Variants in ASB13 observed in about 807,000 individuals in gnomAD.
ASB13 encodes the protein ankyrin repeat and SOCS box containing 13.
In ASB13, 33 loss-of-function variants were observed where a neutral mutation model predicts 28.8. The observed-to-expected ratio is 1.15, with a 90% CI of 0.87 to 1.53. The LOEUF is 1.53. Ranked by LOEUF, ASB13 falls within the 40% of genes most tolerant of loss-of-function variation. ASB13 has a pLI of 0.00. For synonymous variants in ASB13, 182 were observed against 172.9 expected, an observed-to-expected ratio of 1.05 and a Z score of -0.41; for missense variants, 414 against 390.1, an observed-to-expected ratio of 1.06 and a Z score of -0.52.
rs1834816815 is a variant in ASB13, at chr10:5,642,106, T to C, written c.518-145A>G. ...ATCAGGACAGACTCTACCGTAGCTT[T>C]CAAAAATGTTTTTCAACATCCAAAA... On this transcript the variant is annotated intron_variant, in intron 4 of 5. Transcript: ENST00000357700. The surrounding 1 kb of genome is among the most constrained non-coding windows in gnomAD (Gnocchi z 4.1). 2 of 733,612 alleles carry C rather than the reference T, an allele frequency of 2.7e-6. No homozygotes were observed. The highest frequency in any genetic ancestry group is 4.3e-6 in the Non-Finnish European group (2 of 469,586). 45.4% of individuals were successfully genotyped at this position (733,612 alleles called of 1,614,324 possible). A position where few individuals can be genotyped will look rare whatever the true frequency, so the allele number is the denominator to read the frequency against.
chr10:5,640,537 T>A lies in ASB13; in HGVS notation c.*166A>T. 4 of 869,328 alleles carry A rather than the reference T, an allele frequency of 4.6e-6. No individual in the cohort carries two copies. The highest frequency in any genetic ancestry group is 6.9e-6 in the Non-Finnish European group (4 of 578,718). The allele number at this position is 869,328 out of a possible 1,614,324, so 53.9% of individuals were successfully genotyped here. On this transcript the variant is annotated 3_prime_UTR_variant, in exon 6 of 6. Coordinates refer to ENST00000357700, the MANE Select transcript of ASB13 (RefSeq NM_024701.4). ...AGGCCTTCCCAACACCCTGGAAACA[T>A]TATCCAGGATCCAGGAGAGAAGCCT...
chr10:5,662,544 GGGA>G (rs1835186607), intron 1 of ASB13, among the ~76,000 whole-genome samples: 4 of 43,006 alleles, frequency 9.3e-5, no homozygotes, highest in Non-Finnish European at 1.6e-4. Flanking sequence ...GGGGGGGGAG[GGGA>G]GGGGAGGGGA....
In ASB13 at chr10:5,650,815, C is replaced by A. The variant is rs927791879; in HGVS notation, c.382+398G>T. On this transcript the variant is annotated intron_variant, in intron 3 of 5. Transcript: ENST00000357700. This position sits in a 1 kb window ranked among gnomAD's most constrained non-coding sequence, Gnocchi z 6.0. ...AGGACCAGCACTGTTTTGAGAGCACCACGCACAGCCTCCTGGCCCAGGCTG... is the reference window on the plus strand; with the variant it reads ...AGGACCAGCACTGTTTTGAGAGCACAACGCACAGCCTCCTGGCCCAGGCTG... Among the ~76,000 whole-genome samples the A allele has an allele frequency of 2.6e-5, 4 of 152,196 alleles. No individual in the cohort carries two copies. The highest frequency in any genetic ancestry group is 4.4e-5 in the Non-Finnish European group (3 of 68,038).
rs1259539595 is a variant in ASB13, at chr10:5,666,516, G to T, written c.36C>A (p.Gly12=). The T allele has an allele frequency of 6.2e-6, 8 of 1,282,452 alleles. No homozygotes were observed. The highest frequency in any genetic ancestry group is 7.9e-6 in the Non-Finnish European group (8 of 1,009,994). The allele number at this position is 1,282,452 out of a possible 1,614,324, so 79.4% of individuals were successfully genotyped here. The change falls in exon 1 of 6, where the codon GGC becomes GGA. Residue 12 remains glycine (G), a synonymous_variant. Coordinates refer to ENST00000357700, the MANE Select transcript of ASB13 (RefSeq NM_024701.4). ...EPRAADGCFL[G]DVGFWVERTP... ...CGCGGCGCCCGCACGTACCCACGTC[G>T]CCCAGGAAGCAGCCGTCCGCCGCCC...
At chr10:5,648,739 CACACGGGCAA>C (rs1206050880) in intron 4 of ASB13, among the ~76,000 whole-genome samples, 2 of 151,330 alleles carry the variant, frequency 1.3e-5, no homozygotes, top group Admixed American at 1.3e-4. Flanking sequence ...GGTAAACACC[CACACGGGCAA>C]ACACCCACTC....
intron 1 of ASB13, among the ~76,000 whole-genome samples, chr10:5,662,809 C>G (rs1484150451): frequency 6.6e-6 from 1 of 152,104 alleles, no homozygotes; most frequent in Non-Finnish European, 1.5e-5. Context: ...CTCATGGTGA[C>G]AACTAAAGAC....
At chr10:5,647,663 C>T (rs1834906135) in intron 4 of ASB13, among the ~76,000 whole-genome samples, 1 of 152,148 alleles carries the variant, frequency 6.6e-6, no homozygotes, top group Non-Finnish European at 1.5e-5. Context: ...CTGTTGAGTA[C>T]CTACTAGGAC....
intron 4 of ASB13, among the ~76,000 whole-genome samples, chr10:5,647,885 G>C (rs746833560): frequency 1.1e-4 from 16 of 152,262 alleles, no homozygotes; most frequent in Non-Finnish European, 1.9e-4. Flanking sequence ...GTAAACACCT[G>C]CTCAGGTGAA....
At chr10:5,647,822 C>T (rs1215947370) in intron 4 of ASB13, among the ~76,000 whole-genome samples, 1 of 152,234 alleles carries the variant, frequency 6.6e-6, no homozygotes, top group East Asian at 1.9e-4. Context: ...GACTCCTCTA[C>T]CCAGCTCTCT....
chr10:5,662,565 G>GGAGAGGAGAAGAGAAGAGAAGAGAA (rs1835187934), intron 1 of ASB13, among the ~76,000 whole-genome samples: 1 of 14,586 alleles, frequency 6.9e-5, no homozygotes, highest in Non-Finnish European at 1.3e-4. Context: ...GGAGGGGAGG[G>GGAGAGGAGAAGAGAAGAGAAGAGAA]GAGAAGAGAA....
Position 5,655,172 on chromosome 10 carries a change from C to T in ASB13, c.44-2122G>A, listed in dbSNP as rs1050032998. ...GGGTAGCCTCATCAGTTAGTGCTGACGACTCTGCTTTTAGAGATCCCCACA... is the reference window on the plus strand; with the variant it reads ...GGGTAGCCTCATCAGTTAGTGCTGATGACTCTGCTTTTAGAGATCCCCACA... On this transcript the variant is annotated intron_variant, in intron 1 of 5. Coordinates refer to ENST00000357700, the MANE Select transcript of ASB13 (RefSeq NM_024701.4). This position sits in a 1 kb window ranked among gnomAD's most constrained non-coding sequence, Gnocchi z 6.2. Among the ~76,000 whole-genome samples the T allele has an allele frequency of 3.3e-5, 5 of 152,018 alleles. No individual in the cohort carries two copies. Among genetic ancestry groups the T allele is most frequent in the African/African-American group, 1.2e-4 (5 of 41,398 alleles).
chr10:5,657,695 G>C (rs1377048082), intron 1 of ASB13, among the ~76,000 whole-genome samples: 3 of 152,146 alleles, frequency 2.0e-5, no homozygotes, highest in South Asian at 4.1e-4. Flanking sequence ...TTGAAAGCAG[G>C]GTCTTGAGGA....
chr10:5,662,992 C>T (rs764147042), intron 1 of ASB13, among the ~76,000 whole-genome samples: 3 of 152,158 alleles, frequency 2.0e-5, no homozygotes, highest in Admixed American at 6.5e-5. Context: ...CAAGTCTGGG[C>T]TCAGTGTTTT....
intron 1 of ASB13, among the ~76,000 whole-genome samples, chr10:5,665,966 G>GC (rs2131462161): frequency 6.6e-6 from 1 of 152,348 alleles, no homozygotes; most frequent in East Asian, 1.9e-4. Flanking sequence ...TGCGAACTGG[G>GC]ATGGCACTTT....
chr10:5,662,226 G>A (rs1489717478), intron 1 of ASB13, among the ~76,000 whole-genome samples: 1 of 152,014 alleles, frequency 6.6e-6, no homozygotes, highest in Admixed American at 6.5e-5. Context: ...CCTTAGAAAT[G>A]CTGGACGATG....
rs572122375 is a variant in ASB13, at chr10:5,649,824, C to T, written c.383-720G>A. Among the ~76,000 whole-genome samples, 479 of 152,284 alleles carry T rather than the reference C, an allele frequency of 3.1e-3. 2 individuals are homozygous for T. Among genetic ancestry groups the T allele is most frequent in the Non-Finnish European group, 5.1e-3 (347 of 68,018 alleles). On this transcript the variant is annotated intron_variant, in intron 3 of 5. Coordinates refer to ENST00000357700, the MANE Select transcript of ASB13 (RefSeq NM_024701.4). This position sits in a 1 kb window ranked among gnomAD's most constrained non-coding sequence, Gnocchi z 6.4. ...TACCAAGGGCATGAGCCACAGCGCCCGGCCTCTCCTGCCTCTTAAGTGGCT... is the reference window on the plus strand; with the variant it reads ...TACCAAGGGCATGAGCCACAGCGCCTGGCCTCTCCTGCCTCTTAAGTGGCT...
At chr10:5,653,505 C>A (rs1271574340) in intron 1 of ASB13, among the ~76,000 whole-genome samples, 2 of 152,196 alleles carry the variant, frequency 1.3e-5, no homozygotes, top group African/African-American at 4.8e-5. Context: ...ACGCTCAGAC[C>A]CCTGCATTTA....
At position 5,640,471 on chromosome 10, in the gene ASB13, G is replaced by C; in HGVS notation, c.*232C>G. On this transcript the variant is annotated 3_prime_UTR_variant, in exon 6 of 6. Transcript: ENST00000357700. ...GCCCATTGAGAGGGTAGGTTCTGTA[G>C]AACAGCGCAGGGCCACACCCACAAC... 1 of 516,380 alleles carries C rather than the reference G, an allele frequency of 1.9e-6. No homozygotes were observed. The highest frequency in any genetic ancestry group is 2.3e-5 in the South Asian group (1 of 44,420). The allele number at this position is 516,380 out of a possible 1,614,324, so 32.0% of individuals were successfully genotyped here. A position where few individuals can be genotyped will look rare whatever the true frequency, so the allele number is the denominator to read the frequency against.
At position 5,651,060 on chromosome 10, in the gene ASB13, C is replaced by T. The variant is rs1834976145; in HGVS notation, c.382+153G>A. The T allele has an allele frequency of 2.9e-6, 3 of 1,029,646 alleles. No individual in the cohort carries two copies. Among genetic ancestry groups the T allele is most frequent in the Admixed American group, 2.6e-5 (1 of 37,766 alleles). 63.8% of individuals were successfully genotyped at this position (1,029,646 alleles called of 1,614,324 possible). A position where few individuals can be genotyped will look rare whatever the true frequency, so the allele number is the denominator to read the frequency against. On this transcript the variant is annotated intron_variant, in intron 3 of 5. Coordinates refer to ENST00000357700, the MANE Select transcript of ASB13 (RefSeq NM_024701.4). This position sits in a 1 kb window ranked among gnomAD's most constrained non-coding sequence, Gnocchi z 5.1. ...AAGCTTAGAATCTCTGCAGCTGAGC[C>T]ACCAGGAGCCAGAAACAGACTCAGA...
Sources: allele counts gnomAD v4.1 joint callset (sites outside exome capture counted in the v4.1 genomes callset), GRCh38; gene constraint gnomAD v4.1.1; non-coding constraint Gnocchi (gnomAD v3.1); transcripts MANE v1.5; gene names NCBI Gene and HGNC (gene_info 2026-07-23, HGNC 2026-07-21).